The following IDE variants were observed in gnomAD, a reference collection of about 807,000 sequenced individuals.
IDE encodes insulin degrading enzyme, also known as insulin-degrading enzyme.
A neutral mutation model predicts 133.2 loss-of-function variants in IDE; 58 were observed. That is an observed-to-expected ratio of 0.44 (90% CI 0.35 to 0.54). The LOEUF (loss-of-function observed/expected upper bound fraction) is 0.54, where lower values mean the gene tolerates loss of function less well. Ranked by LOEUF, IDE falls within the 20% of genes least tolerant of loss-of-function variation. IDE has a pLI of 0.00. For missense variants in IDE, 981 were observed against 1,234.0 expected, an observed-to-expected ratio of 0.79 and a Z score of 3.07; for synonymous variants, 396 against 421.3, an observed-to-expected ratio of 0.94 and a Z score of 0.73.
chr10:92,474,778 T>TA, intron 17 of IDE, 63 bp downstream of exon 17: 2 of 1,480,630 alleles, frequency 1.4e-6, no homozygotes. Context: ...AATATCAGAA[T>TA]AAACCAAAAT....
At chr10:92,558,834 A>T (rs947019492) in intron 1 of IDE, 3 of 151,938 alleles carry the variant, frequency 2.0e-5, no homozygotes, top group Non-Finnish European at 2.9e-5. Flanking sequence ...ACTGCAGGTG[A>T]TCCACCTGCC....
intron 1 of IDE, among the ~76,000 whole-genome samples, chr10:92,553,949 A>T (rs1180256752): frequency 6.6e-6 from 1 of 152,212 alleles, no homozygotes; most frequent in Non-Finnish European, 1.5e-5. Flanking sequence ...AAAATAGACA[A>T]GGAAGGAATA....
At chr10:92,463,669 G>A (rs1845514622) in intron 21 of IDE, 62 bp downstream of exon 21, 1 of 1,431,082 alleles carries the variant, frequency 7.0e-7, no homozygotes, top group South Asian at 1.2e-5. Context: ...CCATTTTGTA[G>A]AATGGCCTTA....
intron 1 of IDE, among the ~76,000 whole-genome samples, chr10:92,553,390 C>T (rs1404349005): frequency 6.6e-6 from 1 of 150,810 alleles, no homozygotes; most frequent in Admixed American, 6.6e-5. Context: ...TGCCACTGCA[C>T]TCCAGCCTGG....
chr10:92,462,051 C>T (rs1220826768), intron 21 of IDE, among the ~76,000 whole-genome samples: 1 of 152,082 alleles, frequency 6.6e-6, no homozygotes, highest in East Asian at 1.9e-4. Flanking sequence ...CACAGTGGCT[C>T]ATGCCTATAA....
At chr10:92,530,414 T>G (rs537404194) in intron 4 of IDE, among the ~76,000 whole-genome samples, 1 of 151,922 alleles carries the variant, frequency 6.6e-6, no homozygotes, top group African/African-American at 2.4e-5. Flanking sequence ...GCCTCCCAGG[T>G]AGCTTGGACT....
chr10:92,470,212 T>C, intron 18 of IDE, 42 bp downstream of exon 18: 1 of 1,308,942 alleles, frequency 7.6e-7, no homozygotes, highest in East Asian at 2.4e-5. Context: ...AAAAATATCT[T>C]GCAATGATCC....
chr10:92,545,966 T>C (rs1182781300), intron 1 of IDE, among the ~76,000 whole-genome samples: 1 of 152,198 alleles, frequency 6.6e-6, no homozygotes, highest in Non-Finnish European at 1.5e-5. Flanking sequence ...TATATGTTCA[T>C]AGCAACACTA....
intron 11 of IDE, among the ~76,000 whole-genome samples, chr10:92,493,786 G>A (rs1343087756): frequency 6.6e-6 from 1 of 152,148 alleles, no homozygotes; most frequent in East Asian, 1.9e-4. Flanking sequence ...CCAAGAGTTA[G>A]TATATCATTA....
At chr10:92,510,687 T>G (rs1458236390) in intron 5 of IDE, among the ~76,000 whole-genome samples, 14 of 151,308 alleles carry the variant, frequency 9.3e-5, no homozygotes, top group Admixed American at 2.0e-4. Context: ...ATGATATATA[T>G]CACATACATC....
At chr10:92,568,176 G>A (rs1009491082) in intron 1 of IDE, among the ~76,000 whole-genome samples, 1 of 152,172 alleles carries the variant, frequency 6.6e-6, no homozygotes, top group Non-Finnish European at 1.5e-5. Flanking sequence ...ACATTGTTGA[G>A]TAGGAAGTTT....
intron 1 of IDE, among the ~76,000 whole-genome samples, chr10:92,549,297 A>T (rs1842676306): frequency 6.6e-6 from 1 of 152,102 alleles, no homozygotes; most frequent in South Asian, 2.1e-4. Context: ...CAATAGTGCT[A>T]AGGATGAAAG....
intron 17 of IDE, among the ~76,000 whole-genome samples, chr10:92,471,316 A>G (rs1845950881): frequency 6.6e-6 from 1 of 152,238 alleles, no homozygotes; most frequent in Admixed American, 6.5e-5. Flanking sequence ...ATAGACATTT[A>G]AGGAGAAACA....
intron 1 of IDE, among the ~76,000 whole-genome samples, chr10:92,566,411 T>TCACACACA (rs531974780): frequency 1.5e-4 from 21 of 143,056 alleles, no homozygotes; most frequent in Middle Eastern, 3.4e-3. Context: ...TCTCTCTCTC[T>TCACACACA]CTCACACACA....
At chr10:92,491,557 C>G (rs1270296760) in intron 11 of IDE, among the ~76,000 whole-genome samples, 1 of 152,046 alleles carries the variant, frequency 6.6e-6, no homozygotes, top group Non-Finnish European at 1.5e-5. Flanking sequence ...CTGCCTCAGC[C>G]TCCCAAGTAG....
chr10:92,512,691 T>C (rs1564637589), intron 5 of IDE, among the ~76,000 whole-genome samples: 1 of 152,188 alleles, frequency 6.6e-6, no homozygotes. Context: ...GCTTTTTTTT[T>C]ACTGTCCTCA....
At chr10:92,464,722 G>A (rs1182291402) in intron 20 of IDE, among the ~76,000 whole-genome samples, 6 of 152,218 alleles carry the variant, frequency 3.9e-5, no homozygotes, top group Non-Finnish European at 8.8e-5. Context: ...CCAAGCTGGA[G>A]TCAAGTGGCA....
intron 16 of IDE, 112 bp from the exon 17 acceptor site, chr10:92,475,073 C>T: frequency 1.4e-6 from 1 of 729,524 alleles, no homozygotes; most frequent in Non-Finnish European, 2.2e-6. Context: ...TAGGATATTC[C>T]CTTCTTTCCC....
In IDE at chr10:92,452,813, C is replaced by T. The variant is rs1227814049; in HGVS notation, c.*1631G>A. The T allele has an allele frequency of 1.3e-5, 2 of 152,234 alleles. No homozygotes were observed. Among genetic ancestry groups the T allele is most frequent in the East Asian group, 1.9e-4 (1 of 5,188 alleles). The allele number at this position is 152,234 out of a possible 1,614,324, so 9.4% of individuals were successfully genotyped here. ...TGAAAAGCTGCATAGTCTACAAATA[C>T]ATAAAACCAGAAGGAAGTGATGATT... On this transcript the variant is annotated 3_prime_UTR_variant, in exon 25 of 25. Coordinates refer to ENST00000265986, the MANE Select transcript of IDE (RefSeq NM_004969.4).
Sources: gnomAD v4.1 joint callset for allele counts (sites outside exome capture counted in the v4.1 genomes callset) on GRCh38, gnomAD v4.1.1 for gene constraint, MANE v1.5 for transcripts, NCBI Gene and HGNC (gene_info 2026-07-23, HGNC 2026-07-21) for gene names.